The following SNX24 variants were observed in gnomAD, a reference collection of about 807,000 sequenced individuals.
The protein encoded by SNX24 is sorting nexin-24.
A neutral mutation model predicts 28.7 loss-of-function variants in SNX24; 22 were observed. The ratio of observed to expected loss-of-function variants is 0.77; its 90% CI spans 0.55 to 1.10. SNX24 has a LOEUF of 1.10. Among genes scored for constraint, SNX24 ranks in the 50% least tolerant of loss-of-function variants. The pLI is 0.00. For missense variants in SNX24, 221 were observed against 201.1 expected (o/e 1.10, Z -0.60); for synonymous variants, 69 against 71.5 (o/e 0.96, Z 0.18).
At chr5:122,933,341 GCCGATTGGTTTTCAC>G (rs1759043274) in intron 1 of SNX24, among the ~76,000 whole-genome samples, 1 of 152,184 alleles carries the variant, frequency 6.6e-6, no homozygotes, top group East Asian at 1.9e-4. Flanking sequence ...AATCTCACGT[GCCGATTGGTTTTCAC>G]CTGAATACTT....
chr5:123,018,472 G>T (rs563875764), intron 5 of SNX24, among the ~76,000 whole-genome samples: 1 of 152,074 alleles, frequency 6.6e-6, no homozygotes, highest in South Asian at 2.1e-4. Context: ...GACAAATGGC[G>T]GCTGTAGTTT....
At chr5:122,915,842 C>G (rs1053433841) in intron 1 of SNX24, among the ~76,000 whole-genome samples, 2 of 152,226 alleles carry the variant, frequency 1.3e-5, no homozygotes, top group East Asian at 3.8e-4. Flanking sequence ...CTCAGGTAAT[C>G]TGTTTCTTTT....
chr5:123,025,301 T>C (rs953634902), intron 5 of SNX24, among the ~76,000 whole-genome samples: 1 of 152,146 alleles, frequency 6.6e-6, no homozygotes, highest in African/African-American at 2.4e-5. Context: ...AAATACAACA[T>C]CCCATTTACC....
intron 1 of SNX24, among the ~76,000 whole-genome samples, chr5:122,908,227 C>T (rs1757732421): frequency 1.3e-5 from 2 of 152,222 alleles, no homozygotes; most frequent in Admixed American, 1.3e-4. Flanking sequence ...GTTCCGTCAA[C>T]TAGTTTTGCT....
At chr5:122,905,696 TC>T (rs1351056301) in intron 1 of SNX24, among the ~76,000 whole-genome samples, 1 of 152,330 alleles carries the variant, frequency 6.6e-6, no homozygotes, top group East Asian at 1.9e-4. Context: ...TGTCCAAACT[TC>T]CTGAGCACTA....
At chr5:122,968,206 G>C (rs542497970) in intron 3 of SNX24, among the ~76,000 whole-genome samples, 1 of 152,160 alleles carries the variant, frequency 6.6e-6, no homozygotes, top group Non-Finnish European at 1.5e-5. Context: ...TTAGCCGGGC[G>C]TGGTGGCATG....
At chr5:122,859,644 CTG>C (rs956404276) in intron 1 of SNX24, among the ~76,000 whole-genome samples, 17 of 152,054 alleles carry the variant, frequency 1.1e-4, no homozygotes, top group African/African-American at 4.1e-4. Flanking sequence ...GAGTTGAACT[CTG>C]TAAAATATTT....
chr5:123,017,796 G>A (rs991019504), intron 5 of SNX24, among the ~76,000 whole-genome samples: 2 of 152,046 alleles, frequency 1.3e-5, no homozygotes, highest in Admixed American at 6.5e-5. Context: ...CATATGAGAC[G>A]TGCCTTTAAC....
chr5:123,015,816 A>C lies in SNX24; in HGVS notation n.384-13422A>C, dbSNP rs150845713. 2.6e-4 allele frequency among the ~76,000 whole-genome samples: 40 copies of C among 152,290 alleles called. No individual in the cohort carries two copies. In the East Asian group the frequency reaches 7.5e-3, roughly 29 times the overall value. On this transcript the variant is annotated intron_variant and non_coding_transcript_variant, in intron 5 of 5. Coordinates refer to the SNX24 transcript ENST00000502387. Reference sequence around the variant, plus strand: ...AAGGAGCGGGCACAAAATCAAACAGAATGCCAGCATGGCTACTGCAAGAAG... The same window carrying C: ...AAGGAGCGGGCACAAAATCAAACAGCATGCCAGCATGGCTACTGCAAGAAG...
chr5:122,897,153 C>T (rs1394399588), intron 1 of SNX24, among the ~76,000 whole-genome samples: 1 of 149,808 alleles, frequency 6.7e-6, no homozygotes, highest in African/African-American at 2.4e-5. Context: ...TGAATTTTCA[C>T]ATTTTGTCTT....
intron 1 of SNX24, among the ~76,000 whole-genome samples, chr5:122,911,936 T>C (rs1424421929): frequency 2.0e-5 from 3 of 149,424 alleles, no homozygotes; most frequent in Non-Finnish European, 4.4e-5. Flanking sequence ...TGGCTTAGGA[T>C]TGACTTGGCG....
At chr5:122,916,885 C>G (rs890142703) in intron 1 of SNX24, among the ~76,000 whole-genome samples, 1 of 152,148 alleles carries the variant, frequency 6.6e-6, no homozygotes, top group Non-Finnish European at 1.5e-5. Context: ...GAGCTCTAGA[C>G]TGTTCAGAAA....
chr5:122,892,199 ACACACC>A (rs1195522247), intron 1 of SNX24, among the ~76,000 whole-genome samples: 17 of 152,032 alleles, frequency 1.1e-4, no homozygotes, highest in African/African-American at 3.4e-4. Context: ...CTTTCTCTAC[ACACACC>A]CACACCCACA....
intron 1 of SNX24, among the ~76,000 whole-genome samples, chr5:122,875,472 A>G (rs1490728358): frequency 6.6e-6 from 1 of 152,264 alleles, no homozygotes; most frequent in Non-Finnish European, 1.5e-5. Context: ...GGAGTGCAGC[A>G]GAACAGAAGT....
chr5:122,906,424 G>T (rs1362696397), intron 1 of SNX24, among the ~76,000 whole-genome samples: 1 of 152,238 alleles, frequency 6.6e-6, no homozygotes, highest in Non-Finnish European at 1.5e-5. Context: ...AGAACAGAAA[G>T]TGTATGAAGT....
chr5:122,892,049 A>G (rs768069776), intron 1 of SNX24, among the ~76,000 whole-genome samples: 91 of 152,306 alleles, frequency 6.0e-4, no homozygotes, highest in Non-Finnish European at 1.1e-3. Flanking sequence ...TTTTCCACCA[A>G]TGATTAATTT....
At chr5:122,853,094 G>A (rs1195794241) in intron 1 of SNX24, among the ~76,000 whole-genome samples, 5 of 136,062 alleles carry the variant, frequency 3.7e-5, no homozygotes, top group African/African-American at 1.1e-4. Flanking sequence ...AATCAAGCAT[G>A]TGTAAAATAT....
intron 3 of SNX24, among the ~76,000 whole-genome samples, chr5:122,973,880 A>G (rs963758368): frequency 2.0e-5 from 3 of 152,160 alleles, no homozygotes; most frequent in African/African-American, 7.2e-5. Context: ...TAATTCACCT[A>G]TGAGGGCCTG....
intron 3 of SNX24, among the ~76,000 whole-genome samples, chr5:122,983,993 T>G (rs917818724): frequency 6.6e-6 from 1 of 152,230 alleles, no homozygotes; most frequent in Admixed American, 6.5e-5. Context: ...GTTGCTTTAC[T>G]GTAACATCAG....
Sources: gnomAD v4.1 joint callset for allele counts (sites outside exome capture counted in the v4.1 genomes callset) on GRCh38, gnomAD v4.1.1 for gene constraint, MANE v1.5 for transcripts, NCBI Gene and HGNC (gene_info 2026-07-23, HGNC 2026-07-21) for gene names.